LYRM7: variants seen among roughly 807,000 people sequenced by gnomAD.
The protein encoded by LYRM7 is complex III assembly factor LYRM7.
Under a neutral mutation model 15.8 loss-of-function variants are expected in LYRM7, and 9 were observed. The ratio of observed to expected loss-of-function variants is 0.57; its 90% CI spans 0.34 to 0.99. The LOEUF is 0.99. LYRM7 is among the 50% of genes least tolerant of loss of function. The pLI, the probability that LYRM7 is intolerant of heterozygous loss-of-function variation, is 0.02. For synonymous variants in LYRM7, 39 were observed against 39.4 expected (o/e 0.99, Z 0.04); for missense variants, 115 against 119.1 (o/e 0.97, Z 0.16).
intron 3 of LYRM7, among the ~76,000 whole-genome samples, chr5:131,186,385 A>G (rs1282535769): frequency 6.6e-6 from 1 of 152,232 alleles, no homozygotes; most frequent in Non-Finnish European, 1.5e-5. Flanking sequence ...TTGATAGATA[A>G]AAGTTAAAAC....
At chr5:131,181,431 C>T (rs1755708283) in intron 2 of LYRM7, among the ~76,000 whole-genome samples, 2 of 108,238 alleles carry the variant, frequency 1.8e-5, no homozygotes, top group African/African-American at 8.5e-5. Flanking sequence ...ATATATATAA[C>T]ATATATATGT....
chr5:131,179,354 A>G (rs1755652105), intron 1 of LYRM7, among the ~76,000 whole-genome samples: 1 of 152,130 alleles, frequency 6.6e-6, no homozygotes, highest in African/African-American at 2.4e-5. Flanking sequence ...TGAAACAAAC[A>G]GAAAAGGAAT....
intron 4 of LYRM7, among the ~76,000 whole-genome samples, chr5:131,193,660 C>T (rs546308278): frequency 6.6e-6 from 1 of 152,262 alleles, no homozygotes; most frequent in South Asian, 2.1e-4. Context: ...ATTTTAAAAT[C>T]TTTACCTAAA....
At chr5:131,192,072 C>A (rs1212015580) in intron 4 of LYRM7, among the ~76,000 whole-genome samples, 2 of 134,032 alleles carry the variant, frequency 1.5e-5, no homozygotes, top group African/African-American at 3.2e-5. Context: ...CACACACACA[C>A]ACACACACAA....
At chr5:131,199,324 T>C (rs1361935835) in intron 4 of LYRM7, among the ~76,000 whole-genome samples, 1 of 152,194 alleles carries the variant, frequency 6.6e-6, no homozygotes, top group Non-Finnish European at 1.5e-5. Flanking sequence ...TCATATATGT[T>C]TTTATATAAT....
At chr5:131,185,802 G>A (rs989765648) in intron 3 of LYRM7, among the ~76,000 whole-genome samples, 1 of 151,890 alleles carries the variant, frequency 6.6e-6, no homozygotes, top group East Asian at 1.9e-4. Flanking sequence ...CAAAAACAAA[G>A]CAAGAAAAAA....
intron 1 of LYRM7, 142 bp downstream of exon 1, chr5:131,171,180 T>G: frequency 1.2e-6 from 1 of 849,654 alleles, no homozygotes; most frequent in East Asian, 3.3e-5. Flanking sequence ...AGAAGCCAGA[T>G]GACCAACTCC....
chr5:131,192,053 A>G (rs1041630683), intron 4 of LYRM7, among the ~76,000 whole-genome samples: 3 of 149,934 alleles, frequency 2.0e-5, no homozygotes, highest in Non-Finnish European at 4.4e-5. Context: ...ACACACACAC[A>G]CACACACACA....
chr5:131,192,240 A>C (rs1755898981), intron 4 of LYRM7, among the ~76,000 whole-genome samples: 1 of 152,174 alleles, frequency 6.6e-6, no homozygotes, highest in Admixed American at 6.6e-5. Context: ...CAACTTATAG[A>C]AACAGAGTGC....
chr5:131,194,174 T>G (rs1252904605), intron 4 of LYRM7, among the ~76,000 whole-genome samples: 1 of 152,180 alleles, frequency 6.6e-6, no homozygotes, highest in African/African-American at 2.4e-5. Context: ...ACTCAGTATC[T>G]AATGTGGAAA....
At chr5:131,181,302 A>AAAATATATATATATATATAT (rs1554089865) in intron 2 of LYRM7, among the ~76,000 whole-genome samples, 1 of 8,772 alleles carries the variant, frequency 1.1e-4, no homozygotes, top group African/African-American at 2.2e-4. Context: ...AAAAAAAAAA[A>AAAATATATATATATATATAT]ATATATATAT....
At position 131,204,413 on chromosome 5, in the gene LYRM7, A is replaced by C. The variant is rs1756133077; in HGVS notation, c.*4812A>C. ...CCAAAGTTAGGGTACAATGAAAGAAAAGGTGGCTTATTTATACTCTGGAAT... is the reference window on the plus strand; with the variant it reads ...CCAAAGTTAGGGTACAATGAAAGAACAGGTGGCTTATTTATACTCTGGAAT... On this transcript the variant is annotated 3_prime_UTR_variant, in exon 5 of 5. Transcript: ENST00000379380. 6.6e-6 allele frequency: 1 copy of C among 151,638 alleles called. No individual in the cohort carries two copies. The highest frequency in any genetic ancestry group is 2.4e-5 in the African/African-American group (1 of 41,354). 9.4% of individuals were successfully genotyped at this position (151,638 alleles called of 1,614,324 possible). A position where few individuals can be genotyped will look rare whatever the true frequency, so the allele number is the denominator to read the frequency against.
At chr5:131,184,259 G>A (rs1436664935) in intron 3 of LYRM7, among the ~76,000 whole-genome samples, 2 of 152,170 alleles carry the variant, frequency 1.3e-5, no homozygotes, top group African/African-American at 4.8e-5. Flanking sequence ...GAGCCACTGT[G>A]CCCAGCCCCC....
In LYRM7 at chr5:131,201,852, T is replaced by G. The variant is rs1178364792; in HGVS notation, c.*2251T>G. 2 of 152,234 alleles carry G rather than the reference T, an allele frequency of 1.3e-5. No individual in the cohort carries two copies. Among genetic ancestry groups the G allele is most frequent in the African/African-American group, 4.8e-5 (2 of 41,454 alleles). 9.4% of individuals were successfully genotyped at this position (152,234 alleles called of 1,614,324 possible). On this transcript the variant is annotated 3_prime_UTR_variant, in exon 5 of 5. Coordinates refer to ENST00000379380, the MANE Select transcript of LYRM7 (RefSeq NM_181705.4). ...TATGCTAATTTATTTATTTATTTTT[T>G]GAGATTGAGTTCTGCTGTGTCACCC...
chr5:131,187,744 C>T (rs1462460606), intron 4 of LYRM7, among the ~76,000 whole-genome samples: 1 of 151,946 alleles, frequency 6.6e-6, no homozygotes, highest in African/African-American at 2.4e-5. Context: ...CTTCAGCCCC[C>T]CAAAGTGCTG....
chr5:131,179,340 T>C (rs1755651116), intron 1 of LYRM7, among the ~76,000 whole-genome samples: 1 of 152,228 alleles, frequency 6.6e-6, no homozygotes, highest in South Asian at 2.1e-4. Context: ...TTAAAAATAG[T>C]CTATGAAACA....
chr5:131,181,300 A>ATATATATATATATATAT (rs1441850768), intron 2 of LYRM7, among the ~76,000 whole-genome samples: 2 of 11,064 alleles, frequency 1.8e-4, no homozygotes, highest in Non-Finnish European at 2.4e-4. Flanking sequence ...AAAAAAAAAA[A>ATATATATATATATATAT]AAATATATAT....
In LYRM7 at chr5:131,188,409, TAA is replaced by T. The variant is rs760021801; in HGVS notation, c.244+1320_244+1321del. Among the ~76,000 whole-genome samples the T allele has an allele frequency of 6.9e-3, 892 of 129,400 alleles. 15 individuals carry two copies. Among genetic ancestry groups the T allele is most frequent in the Non-Finnish European group, 5.1e-3 (310 of 60,274 alleles). 84.9% of individuals were successfully genotyped at this position (129,400 alleles called of 152,430 possible). A position where few individuals can be genotyped will look rare whatever the true frequency, so the allele number is the denominator to read the frequency against. Reference sequence around the variant, plus strand: ...ACCAACATGTAAAACAAGCCACATGTAAAAAAAAAAAAAAAAAAAAATTGGCC... The same window carrying T: ...ACCAACATGTAAAACAAGCCACATGTAAAAAAAAAAAAAAAAAAATTGGCC... On this transcript the variant is annotated intron_variant, in intron 4 of 4. Transcript: ENST00000379380.
Position 131,203,451 on chromosome 5 carries a change from T to C in LYRM7, c.*3850T>C, listed in dbSNP as rs1406685458. The C allele has an allele frequency of 6.6e-6, 1 of 152,238 alleles. No homozygotes were observed. The highest frequency in any genetic ancestry group is 2.4e-5 in the African/African-American group (1 of 41,462). 9.4% of individuals were successfully genotyped at this position (152,238 alleles called of 1,614,324 possible). A position where few individuals can be genotyped will look rare whatever the true frequency, so the allele number is the denominator to read the frequency against. ...GCCCATGCCTGTAGTTCCAGTACTT[T>C]GGGAGGCCTAGGTGGGTGGATCACC... On this transcript the variant is annotated 3_prime_UTR_variant, in exon 5 of 5. Coordinates refer to ENST00000379380, the MANE Select transcript of LYRM7 (RefSeq NM_181705.4).
Sources: gnomAD v4.1 joint callset for allele counts (sites outside exome capture counted in the v4.1 genomes callset) on GRCh38, gnomAD v4.1.1 for gene constraint, MANE v1.5 for transcripts, NCBI Gene and HGNC (gene_info 2026-07-23, HGNC 2026-07-21) for gene names.